Variants in RUNX1 observed in about 807,000 individuals in gnomAD.
The protein encoded by RUNX1 is runt-related transcription factor 1.
A neutral mutation model predicts 42.8 loss-of-function variants in RUNX1; 19 were observed. The ratio of observed to expected loss-of-function variants is 0.44; its 90% CI spans 0.31 to 0.65. The LOEUF (loss-of-function observed/expected upper bound fraction) is 0.65, where lower values mean the gene tolerates loss of function less well. Ranked by LOEUF, RUNX1 falls within the 30% of genes least tolerant of loss-of-function variation. RUNX1 has a pLI of 0.07. For missense variants in RUNX1, 528 were observed against 672.0 expected (o/e 0.79, Z 2.37); for synonymous variants, 271 against 289.4 (o/e 0.94, Z 0.64).
chr21:34,806,061 AAG>A (rs1437214696), intron 7 of RUNX1, among the ~76,000 whole-genome samples: 11 of 152,094 alleles, frequency 7.2e-5, no homozygotes, highest in Admixed American at 3.3e-4. Flanking sequence ...AAGGTAGAAA[AAG>A]AGGTGTGGGG....
chr21:34,860,864 C>G (rs978223346), intron 5 of RUNX1, among the ~76,000 whole-genome samples: 1 of 152,150 alleles, frequency 6.6e-6, no homozygotes, highest in Non-Finnish European at 1.5e-5. Context: ...AGCCACGATT[C>G]CTAATCGTGA....
intron 2 of RUNX1, among the ~76,000 whole-genome samples, chr21:34,958,592 A>C (rs912436250): frequency 1.3e-5 from 2 of 152,188 alleles, no homozygotes. Flanking sequence ...ACACTTTTAC[A>C]CTGTTGGTGG....
chr21:34,888,633 T>C, intron 3 of RUNX1: 1 of 1,053,626 alleles, frequency 9.5e-7, no homozygotes, highest in Non-Finnish European at 1.1e-6. Context: ...GGCAGCGTGG[T>C]GCCCTGGCTG....
At chr21:34,862,793 T>C (rs1193938019) in intron 5 of RUNX1, among the ~76,000 whole-genome samples, 1 of 152,174 alleles carries the variant, frequency 6.6e-6, no homozygotes, top group Non-Finnish European at 1.5e-5. Flanking sequence ...CATACACTTT[T>C]TGGAGAACAC....
At chr21:34,937,685 G>C (rs1427725310) in intron 2 of RUNX1, among the ~76,000 whole-genome samples, 1 of 150,744 alleles carries the variant, frequency 6.6e-6, no homozygotes, top group African/African-American at 2.4e-5. Context: ...CTATGAGGTG[G>C]TGCAGTTTCC....
chr21:34,922,169 TG>T (rs994438527), intron 2 of RUNX1, among the ~76,000 whole-genome samples: 2 of 151,966 alleles, frequency 1.3e-5, no homozygotes, highest in African/African-American at 2.4e-5. Flanking sequence ...GGACTGTAAG[TG>T]GGGGGCTCGA....
chr21:34,808,770 G>A (rs2056718733), intron 7 of RUNX1, among the ~76,000 whole-genome samples: 1 of 152,206 alleles, frequency 6.6e-6, no homozygotes, highest in African/African-American at 2.4e-5. Context: ...CCCTCAGCCA[G>A]ATGAGTCTGA....
chr21:35,043,722 G>A (rs1019485749), intron 2 of RUNX1, among the ~76,000 whole-genome samples: 4 of 152,140 alleles, frequency 2.6e-5, no homozygotes, highest in African/African-American at 7.2e-5. Flanking sequence ...TAGGTCACTA[G>A]GAAGTTACCT....
chr21:34,864,794 C>A (rs139100505), intron 5 of RUNX1, among the ~76,000 whole-genome samples: 1 of 152,136 alleles, frequency 6.6e-6, no homozygotes, highest in African/African-American at 2.4e-5. Flanking sequence ...AAGCACCAAA[C>A]GACACTCATA....
chr21:34,937,493 ATAAAT>A (rs1284931043), intron 2 of RUNX1, among the ~76,000 whole-genome samples: 2 of 152,074 alleles, frequency 1.3e-5, no homozygotes, highest in African/African-American at 2.4e-5. Flanking sequence ...CAACTTAATA[ATAAAT>A]TAAATAACTA....
At position 34,803,404 on chromosome 21, in the gene RUNX1, G is replaced by A. The variant is rs548653798; in HGVS notation, c.806-3942C>T. The stretch of plus-strand genomic sequence containing the variant: ...CTACTAAAAATACAAAAAATTAGCC[G>A]GGCATGGTGGCGGGCGCCTGTAGTC... On this transcript the variant is annotated intron_variant, in intron 7 of 8. Coordinates refer to ENST00000675419, the MANE Select transcript of RUNX1 (RefSeq NM_001754.5). Among the ~76,000 whole-genome samples the A allele has an allele frequency of 3.0e-4, 46 of 151,992 alleles. No homozygotes were observed. In the East Asian group the frequency reaches 7.0e-3, roughly 23 times the overall value.
At chr21:34,808,012 C>G (rs1220930597) in intron 7 of RUNX1, among the ~76,000 whole-genome samples, 1 of 152,248 alleles carries the variant, frequency 6.6e-6, no homozygotes. Flanking sequence ...GTAAGAAGAG[C>G]AGTCACCTAT....
At chr21:35,014,138 A>C (rs2059143614) in intron 2 of RUNX1, among the ~76,000 whole-genome samples, 1 of 152,252 alleles carries the variant, frequency 6.6e-6, no homozygotes. Context: ...TTTTGAAATA[A>C]GACAAAAGTA....
chr21:34,919,955 C>CT (rs1327623608), intron 2 of RUNX1, among the ~76,000 whole-genome samples: 4 of 152,184 alleles, frequency 2.6e-5, no homozygotes, highest in Non-Finnish European at 2.9e-5. Context: ...TCTTGCCAGG[C>CT]TCTGCGTTAG....
intron 6 of RUNX1, among the ~76,000 whole-genome samples, chr21:34,847,667 G>A (rs1467167517): frequency 1.3e-5 from 2 of 152,100 alleles, no homozygotes; most frequent in Non-Finnish European, 2.9e-5. Context: ...GAGCTTTGCA[G>A]GTCACACAAC....
At chr21:35,040,560 T>G (rs909195831) in intron 2 of RUNX1, among the ~76,000 whole-genome samples, 1 of 151,272 alleles carries the variant, frequency 6.6e-6, no homozygotes, top group African/African-American at 2.4e-5. Context: ...GATCACGAGG[T>G]CGGGAGATCG....
Position 34,901,460 on chromosome 21 carries a change from C to T in RUNX1, c.59-8497G>A, listed in dbSNP as rs192102908. Among the ~76,000 whole-genome samples the T allele has an allele frequency of 8.5e-4, 129 of 152,238 alleles. No homozygotes were observed. Among genetic ancestry groups the T allele is most frequent in the Admixed American group, 1.4e-3 (21 of 15,278 alleles). On this transcript the variant is annotated intron_variant, in intron 2 of 8. Transcript: ENST00000675419. This position sits in a 1 kb window ranked among gnomAD's most constrained non-coding sequence, Gnocchi z 4.3. ...CTCGGAAGGCGGAGGTTGCAGTGAG[C>T]TGAGATGGCACCACTGCACTCCAAC...
intron 5 of RUNX1, among the ~76,000 whole-genome samples, chr21:34,863,086 T>A (rs777988361): frequency 5.3e-5 from 8 of 152,196 alleles, no homozygotes; most frequent in Non-Finnish European, 1.0e-4. Context: ...ATAAACAAGA[T>A]GGATTTTATT....
At chr21:34,927,410 A>G (rs2058404088) in intron 2 of RUNX1, among the ~76,000 whole-genome samples, 2 of 152,132 alleles carry the variant, frequency 1.3e-5, no homozygotes, top group Admixed American at 1.3e-4. Context: ...ACTCTTATCT[A>G]TGATGCAACT....
Sources: allele counts gnomAD v4.1 joint callset (sites outside exome capture counted in the v4.1 genomes callset), GRCh38; gene constraint gnomAD v4.1.1; non-coding constraint Gnocchi (gnomAD v3.1); transcripts MANE v1.5; gene names NCBI Gene and HGNC (gene_info 2026-07-23, HGNC 2026-07-21).